GPC5: variants seen among roughly 807,000 people sequenced by gnomAD.
GPC5 encodes the protein glypican 5, also known as glypican-5.
In GPC5, 47 loss-of-function variants were observed where a neutral mutation model predicts 53.9. The observed-to-expected ratio is 0.87, with a 90% CI of 0.69 to 1.11. The LOEUF (loss-of-function observed/expected upper bound fraction) is 1.11. Among genes scored for constraint, GPC5 ranks in the 50% most tolerant of loss-of-function variants. The pLI, the probability that GPC5 is intolerant of heterozygous loss-of-function variation, is 0.00. For missense variants in GPC5, 748 were observed against 713.1 expected (o/e 1.05, Z -0.56); for synonymous variants, 286 against 263.3 (o/e 1.09, Z -0.84).
chr13:91,832,348 C>T (rs1411091403), intron 5 of GPC5, among the ~76,000 whole-genome samples: 5 of 146,002 alleles, frequency 3.4e-5, no homozygotes, highest in South Asian at 4.3e-4. Context: ...AATATTCCTC[C>T]GTCCCTTTAT....
intron 7 of GPC5, among the ~76,000 whole-genome samples, chr13:92,623,828 A>G (rs185314214): frequency 1.5e-3 from 221 of 151,104 alleles, no homozygotes; most frequent in Non-Finnish European, 2.5e-3. Flanking sequence ...CATTTCCCTT[A>G]GAAAGTCTAC....
chr13:92,309,962 G>A (rs2043135039), intron 7 of GPC5, among the ~76,000 whole-genome samples: 1 of 151,790 alleles, frequency 6.6e-6, no homozygotes, highest in Admixed American at 6.6e-5. Flanking sequence ...TCATGAGTCT[G>A]ACTTTTTTTA....
At chr13:92,226,744 G>A (rs565318664) in intron 7 of GPC5, among the ~76,000 whole-genome samples, 8 of 151,622 alleles carry the variant, frequency 5.3e-5, no homozygotes, top group East Asian at 3.9e-4. Flanking sequence ...GATTACAGGC[G>A]CTGGCCATCA....
intron 6 of GPC5, among the ~76,000 whole-genome samples, chr13:91,959,155 C>A (rs997416229): frequency 2.0e-5 from 3 of 148,986 alleles, no homozygotes; most frequent in Non-Finnish European, 3.0e-5. Context: ...AAATTGATAA[C>A]CCACTAGGAA....
rs915715123 is a variant in GPC5 at position 91,435,234 on chromosome 13, G to A, written c.164-13527G>A. Among the ~76,000 whole-genome samples the A allele has an allele frequency of 3.3e-5, 5 of 152,130 alleles. No individual in the cohort carries two copies. The South Asian group carries it at 6.2e-4, about 19-fold the overall frequency. On this transcript the variant is annotated intron_variant, in intron 1 of 7. Coordinates refer to ENST00000377067, the MANE Select transcript of GPC5 (RefSeq NM_004466.6). Reference sequence around the variant, plus strand: ...AACTTCCAACACTATGTTGATAGGCGTGGTGAGAGAGGGCATCCCTGTCTT... The same window carrying A: ...AACTTCCAACACTATGTTGATAGGCATGGTGAGAGAGGGCATCCCTGTCTT...
chr13:91,542,960 C>T (rs2030045327), intron 2 of GPC5, among the ~76,000 whole-genome samples: 1 of 150,496 alleles, frequency 6.6e-6, no homozygotes, highest in South Asian at 2.1e-4. Flanking sequence ...GGGTTCATGC[C>T]ATTCTCCTGC....
At chr13:92,180,457 C>T (rs934082093) in intron 7 of GPC5, among the ~76,000 whole-genome samples, 4 of 152,124 alleles carry the variant, frequency 2.6e-5, no homozygotes, top group African/African-American at 7.2e-5. Flanking sequence ...GTAAATTCTC[C>T]AAATGTCAAC....
intron 6 of GPC5, among the ~76,000 whole-genome samples, chr13:92,037,387 G>A (rs910689606): frequency 1.3e-5 from 2 of 152,040 alleles, no homozygotes; most frequent in African/African-American, 4.8e-5. Flanking sequence ...TTTATTCAAG[G>A]ACCTGTTTTA....
At chr13:92,437,765 G>T (rs1877371891) in intron 7 of GPC5, among the ~76,000 whole-genome samples, 2 of 152,006 alleles carry the variant, frequency 1.3e-5, no homozygotes, top group South Asian at 2.1e-4. Context: ...AATCAGTCAA[G>T]TTATCCAACA....
intron 2 of GPC5, among the ~76,000 whole-genome samples, chr13:91,536,986 AT>A (rs1407774523): frequency 3.3e-5 from 5 of 152,332 alleles, no homozygotes; most frequent in Middle Eastern, 3.4e-3. Context: ...AATTTAGAAA[AT>A]ATTTTGCGAA....
At chr13:91,634,567 C>T (rs902661565) in intron 2 of GPC5, among the ~76,000 whole-genome samples, 66 of 151,968 alleles carry the variant, frequency 4.3e-4, no homozygotes, top group African/African-American at 1.4e-3. Context: ...CTCACTCTTC[C>T]GATCAAGTAC....
intron 7 of GPC5, among the ~76,000 whole-genome samples, chr13:92,427,010 A>G (rs768089483): frequency 6.6e-6 from 1 of 152,008 alleles, no homozygotes; most frequent in Non-Finnish European, 1.5e-5. Context: ...ACATAGGCTC[A>G]CTCATTTCCT....
At chr13:91,741,911 C>T (rs538932871) in intron 4 of GPC5, among the ~76,000 whole-genome samples, 12 of 152,178 alleles carry the variant, frequency 7.9e-5, no homozygotes, top group African/African-American at 2.6e-4. Context: ...TCTATTTCCT[C>T]GTAAGTGAAA....
At chr13:91,735,237 T>C (rs992259803) in intron 4 of GPC5, among the ~76,000 whole-genome samples, 1 of 151,258 alleles carries the variant, frequency 6.6e-6, no homozygotes, top group African/African-American at 2.5e-5. Context: ...TTATTATACA[T>C]AATACATAGG....
At chr13:92,722,275 T>C (rs1403890290) in intron 7 of GPC5, among the ~76,000 whole-genome samples, 1 of 152,008 alleles carries the variant, frequency 6.6e-6, no homozygotes, top group Non-Finnish European at 1.5e-5. Flanking sequence ...CTTCATCGGA[T>C]AAGGTGCAAC....
rs35289946 is a variant in GPC5 at position 91,648,358 on chromosome 13, G to GTTTT, written c.326-44822_326-44819dup. On this transcript the variant is annotated intron_variant, in intron 2 of 7. Coordinates refer to ENST00000377067, the MANE Select transcript of GPC5 (RefSeq NM_004466.6). The stretch of plus-strand genomic sequence containing the variant: ...ACTGTTTTTAATTGTATTAAGACAG[G>GTTTT]TTTTTTTTTTCCTGGAGTGGAGAAG... 6.0e-3 allele frequency among the ~76,000 whole-genome samples: 887 copies of GTTTT among 148,768 alleles called. 9 individuals are homozygous for GTTTT. The highest frequency in any genetic ancestry group is 0.021 in the African/African-American group (840 of 40,560).
intron 7 of GPC5, among the ~76,000 whole-genome samples, chr13:92,637,792 GAAAC>G (rs1270689595): frequency 2.6e-5 from 4 of 151,954 alleles, no homozygotes; most frequent in African/African-American, 9.7e-5. Context: ...AAAATCAAGA[GAAAC>G]AGACTCACAA....
chr13:92,294,203 T>G (rs2043017682), intron 7 of GPC5, among the ~76,000 whole-genome samples: 1 of 152,218 alleles, frequency 6.6e-6, no homozygotes, highest in Non-Finnish European at 1.5e-5. Flanking sequence ...GATACTGGCT[T>G]CATAGAATGA....
At chr13:91,841,666 A>G (rs571339975) in intron 5 of GPC5, among the ~76,000 whole-genome samples, 138 of 152,192 alleles carry the variant, frequency 9.1e-4, no homozygotes, top group African/African-American at 3.2e-3. Context: ...TTATATTGGT[A>G]ATTTAGACTA....
Sources: gnomAD v4.1 joint callset for allele counts (sites outside exome capture counted in the v4.1 genomes callset) on GRCh38, gnomAD v4.1.1 for gene constraint, MANE v1.5 for transcripts, NCBI Gene and HGNC (gene_info 2026-07-23, HGNC 2026-07-21) for gene names.